ELMOD1: variants seen among roughly 807,000 people sequenced by gnomAD.
ELMOD1 encodes the protein ELMO domain-containing protein 1.
Under a neutral mutation model 46.7 loss-of-function variants are expected in ELMOD1, and 21 were observed. That is an observed-to-expected ratio of 0.45 (90% CI 0.32 to 0.65). The LOEUF is 0.65. Ranked by LOEUF, ELMOD1 falls within the 30% of genes least tolerant of loss-of-function variation. The pLI is 0.04. For synonymous variants in ELMOD1, 122 were observed against 138.2 expected (o/e 0.88, Z 0.82); for missense variants, 348 against 407.8 (o/e 0.85, Z 1.26).
At chr11:107,654,123 C>T in intron 9 of ELMOD1, 49 bp from the exon 10 acceptor site, 1 of 1,459,546 alleles carries the variant, frequency 6.9e-7, no homozygotes, top group Non-Finnish European at 9.4e-7. Flanking sequence ...GAACAAGTAC[C>T]AATTAGAGGT....
At chr11:107,661,433 C>T (rs1866738359) in intron 11 of ELMOD1, among the ~76,000 whole-genome samples, 1 of 152,128 alleles carries the variant, frequency 6.6e-6, no homozygotes, top group Non-Finnish European at 1.5e-5. Context: ...GATGATTTTT[C>T]ATATTGCCTG....
chr11:107,594,170 C>A (rs1457899765), intron 1 of ELMOD1, among the ~76,000 whole-genome samples: 1 of 151,634 alleles, frequency 6.6e-6, no homozygotes, highest in Non-Finnish European at 1.5e-5. Flanking sequence ...CTAGAAGAGG[C>A]ACTGAATTAT....
intron 1 of ELMOD1, among the ~76,000 whole-genome samples, chr11:107,610,998 C>CAAAAAAAAAAAAAAAAA (rs58417281): frequency 9.4e-5 from 9 of 95,746 alleles, no homozygotes; most frequent in African/African-American, 2.3e-4. Context: ...TGTAAGAATC[C>CAAAAAAAAAAAAAAAAA]AAAAAAAAAA....
intron 1 of ELMOD1, among the ~76,000 whole-genome samples, chr11:107,608,115 T>C (rs1470173091): frequency 6.6e-6 from 1 of 152,026 alleles, no homozygotes; most frequent in Non-Finnish European, 1.5e-5. Flanking sequence ...GAACATGTTT[T>C]CATATTCTAG....
At position 107,631,402 on chromosome 11, in the gene ELMOD1, C is replaced by A. The variant is rs559494464; in HGVS notation, c.193-178C>A. Among the ~76,000 whole-genome samples, 208 of 146,508 alleles carry A rather than the reference C, an allele frequency of 1.4e-3. 5 individuals are homozygous for A. The highest frequency in any genetic ancestry group is 4.6e-3 in the African/African-American group (184 of 39,798). ...GTTATCAGGAAAATTGCACTACCCC[C>A]CCCCCCATCGTGAAAATGTCAAATT... On this transcript the variant is annotated intron_variant, in intron 4 of 11. Coordinates refer to ENST00000265840, the MANE Select transcript of ELMOD1 (RefSeq NM_018712.4).
At chr11:107,635,208 T>C (rs1288353987) in intron 5 of ELMOD1, among the ~76,000 whole-genome samples, 2 of 152,210 alleles carry the variant, frequency 1.3e-5, no homozygotes, top group Admixed American at 1.3e-4. Context: ...GGGGGTGCTA[T>C]ATAATCCCTA....
At chr11:107,622,231 A>T (rs1404907475) in intron 2 of ELMOD1, among the ~76,000 whole-genome samples, 2 of 152,218 alleles carry the variant, frequency 1.3e-5, no homozygotes, top group Non-Finnish European at 2.9e-5. Context: ...ATTTTAAAAT[A>T]AGGATAGAAG....
intron 11 of ELMOD1, among the ~76,000 whole-genome samples, chr11:107,662,797 C>T (rs1227634848): frequency 6.6e-5 from 10 of 151,792 alleles, no homozygotes; most frequent in South Asian, 2.1e-4. Context: ...TGGTGGCACA[C>T]GCTCGAATTG....
intron 5 of ELMOD1, among the ~76,000 whole-genome samples, chr11:107,634,369 T>C (rs1468036040): frequency 6.6e-6 from 1 of 152,224 alleles, no homozygotes; most frequent in East Asian, 1.9e-4. Context: ...GATTGTTTTC[T>C]GTTCTAGTGA....
At chr11:107,614,135 A>C (rs1352228116) in intron 1 of ELMOD1, among the ~76,000 whole-genome samples, 1 of 152,188 alleles carries the variant, frequency 6.6e-6, no homozygotes, top group Non-Finnish European at 1.5e-5. Flanking sequence ...TGCCGCAGTC[A>C]ATCAATTAAC....
intron 11 of ELMOD1, among the ~76,000 whole-genome samples, chr11:107,660,959 A>C (rs922656698): frequency 1.3e-5 from 2 of 152,208 alleles, no homozygotes; most frequent in Admixed American, 1.3e-4. Context: ...ATATTTGTTC[A>C]TCGGCAGATG....
rs374215413 is a variant in ELMOD1, at chr11:107,630,405, T to G, written c.18-12T>G. On this transcript the variant is annotated splice_polypyrimidine_tract_variant and intron_variant, in intron 2 of 11. Transcript: ENST00000265840. The stretch of plus-strand genomic sequence containing the variant: ...GTTCTATTGGAAGGGTGCTGTGTTT[T>G]GTTTTTCACAGAATGTTGATCCAGG... The G allele has an allele frequency of 6.3e-7, 1 of 1,588,672 alleles. No homozygotes were observed. The highest frequency in any genetic ancestry group is 8.6e-7 in the Non-Finnish European group (1 of 1,166,366).
intron 5 of ELMOD1, among the ~76,000 whole-genome samples, chr11:107,635,102 AT>A (rs945839454): frequency 2.6e-5 from 4 of 151,950 alleles, no homozygotes. Context: ...TTTTGTTTTG[AT>A]TTTTTTCCTT....
chr11:107,629,944 A>C (rs894973038), intron 2 of ELMOD1, among the ~76,000 whole-genome samples: 1 of 152,066 alleles, frequency 6.6e-6, no homozygotes, highest in Non-Finnish European at 1.5e-5. Flanking sequence ...GGAAGGAATC[A>C]AACAGTGGGA....
chr11:107,644,320 T>C (rs1381056144), intron 6 of ELMOD1, among the ~76,000 whole-genome samples: 3 of 151,846 alleles, frequency 2.0e-5, no homozygotes, highest in Admixed American at 1.3e-4. Flanking sequence ...AAAAGCATTT[T>C]ATTATTCAAA....
intron 2 of ELMOD1, chr11:107,620,218 A>G (rs1236139595): frequency 6.6e-6 from 1 of 152,214 alleles, no homozygotes; most frequent in Non-Finnish European, 1.5e-5. Context: ...CCATGCAGTG[A>G]TTAATCTGTC....
intron 1 of ELMOD1, among the ~76,000 whole-genome samples, chr11:107,613,693 A>T (rs1865816471): frequency 6.6e-6 from 1 of 152,206 alleles, no homozygotes; most frequent in African/African-American, 2.4e-5. Context: ...AAATCAAACC[A>T]CTTAACAGTA....
At chr11:107,618,775 G>A (rs1325598322) in intron 2 of ELMOD1, among the ~76,000 whole-genome samples, 2 of 152,100 alleles carry the variant, frequency 1.3e-5, no homozygotes, top group Non-Finnish European at 2.9e-5. Flanking sequence ...GGTATGTTTG[G>A]GGTGATCTTT....
At chr11:107,628,357 G>A (rs1004160617) in intron 2 of ELMOD1, among the ~76,000 whole-genome samples, 1 of 151,954 alleles carries the variant, frequency 6.6e-6, no homozygotes, top group Non-Finnish European at 1.5e-5. Flanking sequence ...AGTAGAGATG[G>A]GGTTTCACCA....
Sources: gnomAD v4.1 joint callset for allele counts (sites outside exome capture counted in the v4.1 genomes callset) on GRCh38, gnomAD v4.1.1 for gene constraint, MANE v1.5 for transcripts, NCBI Gene and HGNC (gene_info 2026-07-23, HGNC 2026-07-21) for gene names.